Variants in DYNC1LI1 observed in about 807,000 individuals in gnomAD.
The protein encoded by DYNC1LI1 is dynein cytoplasmic 1 light intermediate chain 1.
Under a neutral mutation model 63.8 loss-of-function variants are expected in DYNC1LI1, and 19 were observed. The ratio of observed to expected loss-of-function variants is 0.30; its 90% CI spans 0.21 to 0.44. DYNC1LI1 has a LOEUF of 0.44. DYNC1LI1 is among the 20% of genes least tolerant of loss of function. The probability of loss-of-function intolerance (pLI) is 1.00; values close to 1 mark genes in which losing one functional copy is unlikely to be tolerated. For synonymous variants in DYNC1LI1, 225 were observed against 232.3 expected, an observed-to-expected ratio of 0.97 and a Z score of 0.28; for missense variants, 565 against 630.2, an observed-to-expected ratio of 0.90 and a Z score of 1.11.
At chr3:32,570,265 G>A (rs1314353438) in intron 2 of DYNC1LI1, 81 bp downstream of exon 2, 3 of 1,154,804 alleles carry the variant, frequency 2.6e-6, no homozygotes, top group Admixed American at 2.0e-5. Flanking sequence ...CGCACAAAGA[G>A]AGCCAGCGAG....
At position 32,526,658 on chromosome 3, in the gene DYNC1LI1, C is replaced by A; in HGVS notation, c.*141G>T. The A allele has an allele frequency of 1.7e-6, 1 of 587,916 alleles. No homozygotes were observed. 36.4% of individuals were successfully genotyped at this position (587,916 alleles called of 1,614,324 possible). On this transcript the variant is annotated 3_prime_UTR_variant, in exon 13 of 13. Transcript: ENST00000273130. ...TCCTTCTAAAAAATGGGTAACCACA[C>A]ACACACACACACACACACACGACAT...
At chr3:32,541,457 AT>A (rs1455543381) in intron 4 of DYNC1LI1, among the ~76,000 whole-genome samples, 1 of 152,174 alleles carries the variant, frequency 6.6e-6, no homozygotes, top group Non-Finnish European at 1.5e-5. Flanking sequence ...ACCTGGCTCA[AT>A]TTATGCAAAA....
intron 2 of DYNC1LI1, among the ~76,000 whole-genome samples, chr3:32,558,355 G>A (rs1268161537): frequency 6.8e-6 from 1 of 147,188 alleles, no homozygotes; most frequent in Non-Finnish European, 1.5e-5. Flanking sequence ...GGCCACATGG[G>A]TCTCTGTCAC....
chr3:32,537,985 AT>A lies in DYNC1LI1; in HGVS notation c.739-882del, dbSNP rs534699814. ...TAATATATATATATTTATATATAAT[AT>A]ATATATATAATTTATATATATAATA... On this transcript the variant is annotated intron_variant, in intron 5 of 12. Coordinates refer to ENST00000273130, the MANE Select transcript of DYNC1LI1 (RefSeq NM_016141.4). 1.2e-3 allele frequency among the ~76,000 whole-genome samples: 41 copies of A among 33,696 alleles called. 7 individuals are homozygous for A. The highest frequency in any genetic ancestry group is 5.8e-3 in the African/African-American group (35 of 6,068). 22.1% of individuals were successfully genotyped at this position (33,696 alleles called of 152,430 possible). A position where few individuals can be genotyped will look rare whatever the true frequency, so the allele number is the denominator to read the frequency against.
chr3:32,534,389 A>G, intron 7 of DYNC1LI1, 122 bp downstream of exon 7: 1 of 715,234 alleles, frequency 1.4e-6, no homozygotes, highest in Non-Finnish European at 2.3e-6. Context: ...CTAGGAACAG[A>G]TAGATTCTCA....
chr3:32,559,067 T>C (rs1056601293), intron 2 of DYNC1LI1, among the ~76,000 whole-genome samples: 16 of 151,738 alleles, frequency 1.1e-4, no homozygotes, highest in Non-Finnish European at 2.1e-4. Context: ...ACTTTTTTTT[T>C]TTTTTTTAAA....
chr3:32,528,112 CAAAAAAAAA>C (rs60912161), intron 12 of DYNC1LI1, among the ~76,000 whole-genome samples: 11 of 29,894 alleles, frequency 3.7e-4, no homozygotes, highest in Non-Finnish European at 8.3e-4. Context: ...GACTCCATCT[CAAAAAAAAA>C]AAAAAAAAAA....
chr3:32,537,927 ATATATATATAATATATATAT>A lies in DYNC1LI1; in HGVS notation c.739-843_739-824del, dbSNP rs1697802493. On this transcript the variant is annotated intron_variant, in intron 5 of 12. Transcript: ENST00000273130. ...TATATATATATAATTTATATATATA[ATATATATATAATATATATAT>A]AATTTATATATATAATATATATATA... Among the ~76,000 whole-genome samples the A allele has an allele frequency of 7.8e-4, 26 of 33,256 alleles. 2 individuals carry two copies. The highest frequency in any genetic ancestry group is 4.1e-3 in the African/African-American group (26 of 6,314). 21.8% of individuals were successfully genotyped at this position (33,256 alleles called of 152,430 possible). A position where few individuals can be genotyped will look rare whatever the true frequency, so the allele number is the denominator to read the frequency against.
chr3:32,540,982 C>G, intron 5 of DYNC1LI1, 55 bp downstream of exon 5: 1 of 1,387,434 alleles, frequency 7.2e-7, no homozygotes, highest in Non-Finnish European at 9.6e-7. Flanking sequence ...GAAAACAAAA[C>G]AGTTGTTCAT....
chr3:32,530,467 C>T lies in DYNC1LI1; in HGVS notation c.1134G>A (p.Lys378=), dbSNP rs1697681317. The T allele has an allele frequency of 6.2e-7, 1 of 1,613,210 alleles. No homozygotes were observed. The highest frequency in any genetic ancestry group is 1.1e-5 in the South Asian group (1 of 91,078). The change falls in exon 9 of 13, where the codon AAG becomes AAA. Residue 378 remains lysine (K), a synonymous_variant. Coordinates refer to ENST00000273130, the MANE Select transcript of DYNC1LI1 (RefSeq NM_016141.4). ...TTCTGATATAATTTCATACCTGTAG[C>T]TTCATAAGAAACACCTGATCATCTT... ...MAEDDQVFLM[K]LQSLLAKQPP... is the part of the protein sequence containing the mutation.
chr3:32,570,806 A>C lies in DYNC1LI1; in HGVS notation c.-36T>G. On this transcript the variant is annotated 5_prime_UTR_variant, in exon 1 of 13. The change creates a new upstream start codon in the 5' untranslated region. Transcript: ENST00000273130. ...AATCACACCACTCCCGGCAAGACTA[A>C]ATGTGCGAGGCGGCTGAGGCGGTGG... 2.5e-6 allele frequency: 4 copies of C among 1,584,516 alleles called. No individual in the cohort carries two copies. In the South Asian group the frequency reaches 4.5e-5, roughly 18 times the overall value.
Position 32,533,100 on chromosome 3 carries a change from GGAAA to G in DYNC1LI1, c.969-7_969-4del. ...TATCATTATCCCACCCTGCTGGACT[GGAAA>G]GAAATACATATGATAAATTCTCAAG... On this transcript the variant is annotated splice_polypyrimidine_tract_variant and splice_region_variant and intron_variant, in intron 7 of 12. Coordinates refer to ENST00000273130, the MANE Select transcript of DYNC1LI1 (RefSeq NM_016141.4). 1 of 1,588,534 alleles carries G rather than the reference GGAAA, an allele frequency of 6.3e-7. No homozygotes were observed. The highest frequency in any genetic ancestry group is 8.5e-7 in the Non-Finnish European group (1 of 1,173,586).
chr3:32,557,200 T>C (rs1204106327), intron 2 of DYNC1LI1, among the ~76,000 whole-genome samples: 2 of 152,176 alleles, frequency 1.3e-5, no homozygotes, highest in Non-Finnish European at 2.9e-5. Context: ...AGGATGTCTG[T>C]CCTTTGACAC....
In DYNC1LI1 at chr3:32,537,978, A is replaced by ATATATAATATATATATAATTTATG. The variant is rs1559436345; in HGVS notation, c.739-875_739-874insCATAAATTATATATATATTATATA. 1.1e-3 allele frequency among the ~76,000 whole-genome samples: 49 copies of ATATATAATATATATATAATTTATG among 46,242 alleles called. 11 individuals carry two copies. Among genetic ancestry groups the ATATATAATATATATATAATTTATG allele is most frequent in the Non-Finnish European group, 1.4e-3 (36 of 26,512 alleles). The allele number at this position is 46,242 out of a possible 152,430, so 30.3% of individuals were successfully genotyped here. On this transcript the variant is annotated intron_variant, in intron 5 of 12. Transcript: ENST00000273130. The stretch of plus-strand genomic sequence containing the variant: ...ATATATATAATATATATATATTTAT[A>ATATATAATATATATATAATTTATG]TATAATATATATATATAATTTATAT...
chr3:32,562,116 A>C (rs1414431327), intron 2 of DYNC1LI1, among the ~76,000 whole-genome samples: 1 of 152,076 alleles, frequency 6.6e-6, no homozygotes, highest in Non-Finnish European at 1.5e-5. Flanking sequence ...TCTCCAAAAA[A>C]TAATTAGCCA....
At chr3:32,564,861 T>A (rs952254279) in intron 2 of DYNC1LI1, among the ~76,000 whole-genome samples, 1 of 152,166 alleles carries the variant, frequency 6.6e-6, no homozygotes, top group Admixed American at 6.6e-5. Flanking sequence ...AGTCCTCACA[T>A]AGAAAACCAT....
intron 8 of DYNC1LI1, chr3:32,530,877 A>G (rs200861621): frequency 5.1e-6 from 1 of 195,140 alleles, no homozygotes; most frequent in African/African-American, 2.3e-5. Flanking sequence ...ATTGAACAGC[A>G]CAACCCTAGA....
chr3:32,532,487 G>GTGTGTGTGTGTGTATATATATATA (rs369421174), intron 8 of DYNC1LI1: 3 of 125,366 alleles, frequency 2.4e-5, no homozygotes, highest in Admixed American at 8.5e-5. Flanking sequence ...AAAAATGTGT[G>GTGTGTGTGTGTGTATATATATATA]TATATATATA....
intron 2 of DYNC1LI1, among the ~76,000 whole-genome samples, chr3:32,551,375 A>T (rs1193503763): frequency 3.3e-5 from 5 of 152,212 alleles, no homozygotes; most frequent in Non-Finnish European, 5.9e-5. Context: ...TCTAGGAAGG[A>T]CAAATAATTT....
Sources: gnomAD v4.1 joint callset for allele counts (sites outside exome capture counted in the v4.1 genomes callset) on GRCh38, gnomAD v4.1.1 for gene constraint, MANE v1.5 for transcripts, NCBI Gene and HGNC (gene_info 2026-07-23, HGNC 2026-07-21) for gene names.